The following GLYATL1 variants were observed in gnomAD, a reference collection of about 807,000 sequenced individuals.
GLYATL1 encodes the protein glycine-N-acyltransferase like 1.
In GLYATL1, 15 loss-of-function variants were observed where a neutral mutation model predicts 20.0. The ratio of observed to expected loss-of-function variants is 0.75; its 90% confidence interval spans 0.50 to 1.15. GLYATL1 has a LOEUF of 1.15. GLYATL1 is among the 50% of genes most tolerant of loss of function. GLYATL1 has a pLI of 0.00. For synonymous variants in GLYATL1, 151 were observed against 131.5 expected (o/e 1.15, Z -1.01); for missense variants, 380 against 368.5 (o/e 1.03, Z -0.26).
chr11:58,950,086 G>A (rs1352041323), intron 4 of GLYATL1, among the ~76,000 whole-genome samples: 4 of 125,144 alleles, frequency 3.2e-5, no homozygotes, highest in African/African-American at 9.2e-5. Flanking sequence ...TCGAGACCAC[G>A]GTGAAACCCT....
chr11:58,939,437 C>G (rs1855985714), upstream of GLYATL1: 1 of 152,206 alleles, frequency 6.6e-6, no homozygotes, highest in Non-Finnish European at 1.5e-5. Context: ...AGACCACACC[C>G]CTGGTGTTTC....
At chr11:58,942,522 G>A (rs534238770) in intron 1 of GLYATL1, 1 of 152,302 alleles carries the variant, frequency 6.6e-6, no homozygotes, top group Admixed American at 6.5e-5. Flanking sequence ...ATAACTCCAA[G>A]AATTTTTCTT....
upstream of GLYATL1, among the ~76,000 whole-genome samples, chr11:58,936,008 C>A (rs965698710): frequency 6.6e-6 from 1 of 152,172 alleles, no homozygotes; most frequent in African/African-American, 2.4e-5. Context: ...TGAAGTATGA[C>A]TTCTATTTCA....
intron 4 of GLYATL1, among the ~76,000 whole-genome samples, chr11:58,954,024 AT>A (rs1378885810): frequency 6.6e-6 from 1 of 152,156 alleles, no homozygotes; most frequent in Non-Finnish European, 1.5e-5. Context: ...ACATCATTCT[AT>A]TTTGTGGGCT....
Position 58,955,621 on chromosome 11 carries a change from ACTTTAAGTATGCCCAG to A in GLYATL1, c.506_521del (p.Phe169TrpfsTer9), listed in dbSNP as rs1432768761. ...TTTGTTGTCTACAGTGAAACTCCCAACTTTAAGTATGCCCAGCTGGATGTCTCTTATTCTGGGCTGG... is the reference window on the plus strand; with the variant it reads ...TTTGTTGTCTACAGTGAAACTCCCAACTGGATGTCTCTTATTCTGGGCTGG... On this transcript the variant is annotated frameshift_variant, in exon 7 of 7. Transcript: ENST00000532726. LOFTEE classifies it low-confidence loss of function (END_TRUNC). 3.1e-6 allele frequency: 5 copies of A among 1,613,268 alleles called. No individual in the cohort carries two copies. Among genetic ancestry groups the A allele is most frequent in the Non-Finnish European group, 4.2e-6 (5 of 1,179,482 alleles).
Position 58,947,874 on chromosome 11 carries a change from A to T in GLYATL1, c.95A>T (p.Tyr32Phe). ...CTCCTTCAGGTGTATGGCTCTGTGT[A>T]TCACATCAATCACGGGAACCCCTTC... ...PESLKVYGSV[Y>F]HINHGNPFNM... Residue 32 changes from tyrosine (Y) to phenylalanine (F), a missense_variant, in exon 4 of 7, where the codon TAT becomes TTT. Tyr to Phe is a conservative substitution (Grantham distance 22). Transcript: ENST00000532726. 1.2e-6 allele frequency: 2 copies of T among 1,612,738 alleles called. No homozygotes were observed. Among genetic ancestry groups the T allele is most frequent in the South Asian group, 1.1e-5 (1 of 91,046 alleles).
intron 1 of GLYATL1, among the ~76,000 whole-genome samples, chr11:58,918,530 G>A (rs901485631): frequency 6.6e-5 from 10 of 152,124 alleles, no homozygotes; most frequent in Admixed American, 5.2e-4. Context: ...ATCCTTCTAT[G>A]AGCTCTTCTC....
At chr11:58,913,753 T>C (rs1475219404) in intron 1 of GLYATL1, among the ~76,000 whole-genome samples, 1 of 152,206 alleles carries the variant, frequency 6.6e-6, no homozygotes. Flanking sequence ...TTGGCTTCTC[T>C]GATAAGGTGA....
chr11:58,937,843 T>A (rs1855903687), upstream of GLYATL1, among the ~76,000 whole-genome samples: 1 of 152,280 alleles, frequency 6.6e-6, no homozygotes. Context: ...GACATTGATA[T>A]GAAAGAAGCA....
rs1441755167 is a variant in GLYATL1 at position 58,954,900 on chromosome 11, A to AC, written c.313+5dup. 1 of 1,604,880 alleles carries AC rather than the reference A, an allele frequency of 6.2e-7. No homozygotes were observed. The highest frequency in any genetic ancestry group is 8.5e-7 in the Non-Finnish European group (1 of 1,177,474). ...AAACAGAGACTCCAAATCCAAGGTA[A>AC]CGAGTCTGAAGAAATGGGCAAGCAG... On this transcript the variant is annotated splice_donor_region_variant and intron_variant, in intron 5 of 6. Transcript: ENST00000532726.
intron 1 of GLYATL1, among the ~76,000 whole-genome samples, chr11:58,914,171 C>T (rs1855113849): frequency 6.6e-6 from 1 of 152,184 alleles, no homozygotes; most frequent in Admixed American, 6.5e-5. Flanking sequence ...CCAGACCCCA[C>T]CACTCATACC....
chr11:58,951,003 A>G lies in GLYATL1; in HGVS notation c.186+3038A>G, dbSNP rs573678840. 7.0e-4 allele frequency among the ~76,000 whole-genome samples: 106 copies of G among 152,072 alleles called. 1 individual carries two copies. In the South Asian group the frequency reaches 7.3e-3, roughly 10 times the overall value. On this transcript the variant is annotated intron_variant, in intron 4 of 6. Coordinates refer to ENST00000532726, the MANE Select transcript of GLYATL1 (RefSeq NM_001389712.2). ...GTTGCCCAATTTATAATTATTTTCT[A>G]TTTTATTGATGGAGATTTTGACATT...
rs1247003978 is a variant in GLYATL1 at position 58,955,632 on chromosome 11, G to T, written c.514G>T (p.Ala172Ser). ...FESETPNFKY[A>S]QLDVSYSGLV... ...CAGTGAAACTCCCAACTTTAAGTATGCCCAGCTGGATGTCTCTTATTCTGG... is the reference window on the plus strand; with the variant it reads ...CAGTGAAACTCCCAACTTTAAGTATTCCCAGCTGGATGTCTCTTATTCTGG... Residue 172 changes from alanine to serine, a missense_variant, in exon 7 of 7, where the codon GCC (alanine) becomes TCC (serine). Physicochemically the swap from Ala to Ser is moderately conservative, Grantham distance 99. Coordinates refer to ENST00000532726, the MANE Select transcript of GLYATL1 (RefSeq NM_001389712.2). The T allele has an allele frequency of 1.9e-6, 3 of 1,614,026 alleles. No individual in the cohort carries two copies. Among genetic ancestry groups the T allele is most frequent in the Non-Finnish European group, 2.5e-6 (3 of 1,179,922 alleles).
At chr11:58,951,976 T>C (rs1857028161) in intron 4 of GLYATL1, among the ~76,000 whole-genome samples, 2 of 152,162 alleles carry the variant, frequency 1.3e-5, no homozygotes, top group African/African-American at 2.4e-5. Context: ...TTGCTGCTGC[T>C]TTGCCAGTAT....
chr11:58,921,316 A>C (rs1855303071), intron 1 of GLYATL1, among the ~76,000 whole-genome samples: 1 of 152,180 alleles, frequency 6.6e-6, no homozygotes, highest in Non-Finnish European at 1.5e-5. Flanking sequence ...GGTCACTACC[A>C]AGTGTTCAGT....
downstream of GLYATL1, among the ~76,000 whole-genome samples, chr11:58,912,562 C>T (rs1182040790): frequency 6.6e-6 from 1 of 152,216 alleles, no homozygotes; most frequent in East Asian, 1.9e-4. Flanking sequence ...GACCCCCAGA[C>T]TTAGAGCCCT....
upstream of GLYATL1, chr11:58,934,690 C>G (rs1469705273): frequency 6.5e-6 from 1 of 152,842 alleles, no homozygotes; most frequent in Non-Finnish European, 1.5e-5. Flanking sequence ...GGGCCTGGAC[C>G]CTGGGTCTGC....
intron 1 of GLYATL1, chr11:58,907,106 T>A (rs750446490): frequency 9.1e-6 from 3 of 331,394 alleles, no homozygotes; most frequent in African/African-American, 6.4e-5. Flanking sequence ...TACACCATAA[T>A]AGTTTTAGGG....
intron 4 of GLYATL1, among the ~76,000 whole-genome samples, chr11:58,953,686 A>G (rs1478674946): frequency 6.6e-6 from 1 of 152,222 alleles, no homozygotes; most frequent in East Asian, 1.9e-4. Context: ...GGTCTTTTAA[A>G]ACATCTACTC....
Sources: gnomAD v4.1 joint callset for allele counts (sites outside exome capture counted in the v4.1 genomes callset) on GRCh38, gnomAD v4.1.1 for gene constraint, MANE v1.5 for transcripts, NCBI Gene and HGNC (gene_info 2026-07-23, HGNC 2026-07-21) for gene names.